RERE: variants seen among roughly 807,000 people sequenced by gnomAD.
RERE encodes the protein arginine-glutamic acid dipeptide repeats protein.
In RERE, 40 loss-of-function variants were observed where a neutral mutation model predicts 146.1. The observed-to-expected ratio is 0.27, with a 90% CI of 0.21 to 0.36. The LOEUF (loss-of-function observed/expected upper bound fraction) is 0.36. RERE is among the 10% of genes least tolerant of loss of function. RERE has a pLI of 1.00. For missense variants in RERE, 1,933 were observed against 2,138.7 expected (o/e 0.90, Z 1.90); for synonymous variants, 1,003 against 866.0 (o/e 1.16, Z -2.78).
intron 1 of RERE, among the ~76,000 whole-genome samples, chr1:8,739,349 A>G (rs1365484089): frequency 6.6e-6 from 1 of 152,172 alleles, no homozygotes; most frequent in Non-Finnish European, 1.5e-5. Flanking sequence ...AATTTGCCAG[A>G]AATCAGTCCT....
At chr1:8,378,880 A>C (rs1642351867) in intron 12 of RERE, among the ~76,000 whole-genome samples, 1 of 152,238 alleles carries the variant, frequency 6.6e-6, no homozygotes, top group African/African-American at 2.4e-5. Context: ...GACGGGGCTC[A>C]TGGAGCTGAC....
intron 1 of RERE, among the ~76,000 whole-genome samples, chr1:8,797,148 A>T (rs1411170101): frequency 6.6e-6 from 1 of 152,130 alleles, no homozygotes; most frequent in African/African-American, 2.4e-5. Context: ...CTGAGGCAGG[A>T]GGATCACTTG....
chr1:8,502,659 G>C (rs1309433164), intron 8 of RERE, among the ~76,000 whole-genome samples: 1 of 150,200 alleles, frequency 6.7e-6, no homozygotes. Context: ...GGGAAGGGTG[G>C]GGAAAAAATT....
Position 8,364,733 on chromosome 1 carries a change from C to A in RERE, c.1540+13G>T. The A allele has an allele frequency of 1.9e-6, 3 of 1,606,780 alleles. No homozygotes were observed. Among genetic ancestry groups the A allele is most frequent in the East Asian group, 2.2e-5 (1 of 44,854 alleles). On this transcript the variant is annotated intron_variant, in intron 14 of 22. Coordinates refer to ENST00000400908, the MANE Select transcript of RERE (RefSeq NM_001042681.2). The surrounding 1 kb of genome is among the most constrained non-coding windows in gnomAD (Gnocchi z 5.1). ...CCCCCGCCCCGCCCCAGGAGCGTGACGAGGCCACTTACTGGTGGTGAAGCA... is the reference window on the plus strand; with the variant it reads ...CCCCCGCCCCGCCCCAGGAGCGTGAAGAGGCCACTTACTGGTGGTGAAGCA...
intron 1 of RERE, among the ~76,000 whole-genome samples, chr1:8,799,940 A>C (rs930277744): frequency 1.3e-5 from 2 of 151,926 alleles, no homozygotes; most frequent in Non-Finnish European, 2.9e-5. Context: ...CAGCCTCCCA[A>C]GTAGTTGGGA....
In RERE at chr1:8,361,259, C is replaced by G. The variant is rs772914129; in HGVS notation, c.2248G>C (p.Ala750Pro). The G allele has an allele frequency of 1.3e-6, 2 of 1,579,442 alleles. No individual in the cohort carries two copies. The highest frequency in any genetic ancestry group is 1.2e-5 in the South Asian group (1 of 85,066). The change falls in exon 18 of 23, where the codon GCT (alanine) becomes CCT (proline). Residue 750 changes from alanine to proline, a missense_variant. Physicochemically the swap from Ala to Pro is conservative, Grantham distance 27 (BLOSUM62 -1). Coordinates refer to ENST00000400908, the MANE Select transcript of RERE (RefSeq NM_001042681.2). ...ALQAPTGVTP[A>P]PSSAPPGTPQ... is the part of the protein sequence containing the mutation. ...GTCCCTGGAGGAGCTGAGGAGGGAG[C>G]TGGGGTGACCCCAGTGGGAGCCTGC...
At chr1:8,566,814 G>A (rs1199955226) in intron 4 of RERE, among the ~76,000 whole-genome samples, 5 of 148,670 alleles carry the variant, frequency 3.4e-5, no homozygotes, top group Admixed American at 6.7e-5. Flanking sequence ...TTTTTGAGAC[G>A]GAGTCTCACT....
At chr1:8,735,260 A>G (rs1489014131) in intron 1 of RERE, among the ~76,000 whole-genome samples, 1 of 152,214 alleles carries the variant, frequency 6.6e-6, no homozygotes, top group Non-Finnish European at 1.5e-5. Flanking sequence ...ATATCAAGGA[A>G]GCAATTAAAC....
intron 10 of RERE, among the ~76,000 whole-genome samples, chr1:8,477,872 C>T (rs941165629): frequency 4.5e-4 from 69 of 151,976 alleles, no homozygotes; most frequent in African/African-American, 1.6e-3. Context: ...CAACGAAGAC[C>T]GAAGAGGCAT....
Position 8,423,781 on chromosome 1 carries a change from G to A in RERE, c.1204-974C>T. ...GGGGCCGCCGCTGACGGGGGAGGAG[G>A]CAGGAGCGCGGCGCGCAGAGCCCGG... On this transcript the variant is annotated intron_variant, in intron 11 of 22. Coordinates refer to ENST00000400908, the MANE Select transcript of RERE (RefSeq NM_001042681.2). The surrounding 1 kb of genome is among the most constrained non-coding windows in gnomAD (Gnocchi z 5.4). The A allele has an allele frequency of 1.3e-6, 1 of 770,146 alleles. No individual in the cohort carries two copies. Among genetic ancestry groups the A allele is most frequent in the Non-Finnish European group, 1.6e-6 (1 of 636,726 alleles). The allele number at this position is 770,146 out of a possible 1,614,324, so 47.7% of individuals were successfully genotyped here.
Position 8,798,161 on chromosome 1 carries a change from G to A in RERE, c.-145+18999C>T, listed in dbSNP as rs542316539. Among the ~76,000 whole-genome samples, 11 of 152,262 alleles carry A rather than the reference G, an allele frequency of 7.2e-5. 1 individual carries two copies. The highest frequency in any genetic ancestry group is 5.8e-4 in the East Asian group (3 of 5,184). Reference sequence around the variant, plus strand: ...TGTAATCCTAGCACTTTGGGAGGCCGAGACAGGTGGATCACCTGAGATCAG... The same window carrying A: ...TGTAATCCTAGCACTTTGGGAGGCCAAGACAGGTGGATCACCTGAGATCAG... On this transcript the variant is annotated intron_variant, in intron 1 of 22. Coordinates refer to ENST00000400908, the MANE Select transcript of RERE (RefSeq NM_001042681.2).
chr1:8,535,425 T>C (rs1436081229), intron 7 of RERE, among the ~76,000 whole-genome samples: 2 of 152,210 alleles, frequency 1.3e-5, no homozygotes, highest in African/African-American at 2.4e-5. Flanking sequence ...ATTGTGGTTA[T>C]GTAAGAAAAT....
chr1:8,409,513 G>A (rs1643554472), intron 12 of RERE, among the ~76,000 whole-genome samples: 1 of 152,212 alleles, frequency 6.6e-6, no homozygotes, highest in South Asian at 2.1e-4. Context: ...TGGACTGACA[G>A]CAAATCCCAA....
chr1:8,759,927 C>T (rs1482565776), intron 1 of RERE, among the ~76,000 whole-genome samples: 2 of 151,746 alleles, frequency 1.3e-5, no homozygotes, highest in Admixed American at 6.6e-5. Flanking sequence ...TAATTAAGGT[C>T]AGTTTCCTAT....
At chr1:8,573,734 G>C (rs769361973) in intron 4 of RERE, among the ~76,000 whole-genome samples, 1 of 152,170 alleles carries the variant, frequency 6.6e-6, no homozygotes, top group Non-Finnish European at 1.5e-5. Context: ...GTCTTACTAA[G>C]TAATTTAAAT....
chr1:8,679,078 C>T (rs1570599623), intron 1 of RERE, among the ~76,000 whole-genome samples: 1 of 152,340 alleles, frequency 6.6e-6, no homozygotes, highest in South Asian at 2.1e-4. Context: ...AGACACAGAA[C>T]ATTTCCATTG....
At chr1:8,448,545 T>C (rs1644351785) in intron 11 of RERE, among the ~76,000 whole-genome samples, 2 of 152,098 alleles carry the variant, frequency 1.3e-5, no homozygotes, top group Non-Finnish European at 2.9e-5. Context: ...GATCACGAAG[T>C]CAGGAGTTGG....
chr1:8,460,597 T>C (rs1380777357), intron 11 of RERE, among the ~76,000 whole-genome samples: 1 of 152,228 alleles, frequency 6.6e-6, no homozygotes. Context: ...CTTATTTGTA[T>C]CTAGATTGTT....
chr1:8,378,189 G>A (rs1212379111), intron 12 of RERE, among the ~76,000 whole-genome samples: 3 of 152,176 alleles, frequency 2.0e-5, no homozygotes, highest in South Asian at 4.1e-4. Flanking sequence ...GTACAGTACC[G>A]TACCCTCTTC....
Sources: allele counts gnomAD v4.1 joint callset (sites outside exome capture counted in the v4.1 genomes callset), GRCh38; gene constraint gnomAD v4.1.1; non-coding constraint Gnocchi (gnomAD v3.1); transcripts MANE v1.5; gene names NCBI Gene and HGNC (gene_info 2026-07-23, HGNC 2026-07-21).